The following IFT122 variants were observed in gnomAD, a reference collection of about 807,000 sequenced individuals.
The protein encoded by IFT122 is intraflagellar transport protein 122 homolog.
In IFT122, 118 loss-of-function variants were observed where a neutral mutation model predicts 161.6. The observed-to-expected ratio is 0.73, with a 90% CI of 0.63 to 0.85. IFT122 has a LOEUF of 0.85. IFT122 is among the 40% of genes least tolerant of loss of function. The pLI is 0.00. For missense variants in IFT122, 1,381 were observed against 1,579.6 expected (o/e 0.87, Z 2.13); for synonymous variants, 550 against 602.4 (o/e 0.91, Z 1.27).
At chr3:129,501,437 G>A (rs1472954854) in intron 19 of IFT122, among the ~76,000 whole-genome samples, 1 of 152,154 alleles carries the variant, frequency 6.6e-6, no homozygotes, top group Non-Finnish European at 1.5e-5. Context: ...CCTCACAAAG[G>A]GACCTTGATG....
At chr3:129,440,655 A>G (rs2072894260) in intron 1 of IFT122, among the ~76,000 whole-genome samples, 1 of 152,082 alleles carries the variant, frequency 6.6e-6, no homozygotes. Context: ...TTCATCTCAC[A>G]CCCACGAGAC....
At position 129,466,857 on chromosome 3, in the gene IFT122, A is replaced by G. The variant is rs758404362; in HGVS notation, c.564-33A>G. 7 of 1,595,690 alleles carry G rather than the reference A, an allele frequency of 4.4e-6. No homozygotes were observed. In the Middle Eastern group the frequency reaches 5.0e-4, roughly 113 times the overall value. Reference sequence around the variant, plus strand: ...TATAGTTTTAGTGTAGTTCTAGGCAATGTAATTTTGAACAACTACTTACTG... The same window carrying G: ...TATAGTTTTAGTGTAGTTCTAGGCAGTGTAATTTTGAACAACTACTTACTG... On this transcript the variant is annotated intron_variant, in intron 7 of 29. Coordinates refer to ENST00000348417, the MANE Select transcript of IFT122 (RefSeq NM_052989.3).
rs115948527 is a variant in IFT122 at position 129,451,135 on chromosome 3, G to C, written c.109-779G>C. Among the ~76,000 whole-genome samples the C allele has an allele frequency of 6.4e-3, 975 of 152,150 alleles. 13 individuals are homozygous for C. Among genetic ancestry groups the C allele is most frequent in the African/African-American group, 0.02 (850 of 41,510 alleles). On this transcript the variant is annotated intron_variant, in intron 2 of 29. Transcript: ENST00000348417. ...TTTCTTAGAGACAGGGTTGTGCTCT[G>C]TTGCCCAAGCTGGTGTGCAGTAGTG...
chr3:129,483,456 A>G, intron 14 of IFT122, 29 bp from the exon 15 acceptor site: 1 of 1,609,006 alleles, frequency 6.2e-7, no homozygotes, highest in Non-Finnish European at 8.5e-7. Context: ...GGTGGTTCTC[A>G]CAGGATCCCC....
In IFT122 at chr3:129,491,351, A is replaced by G. The variant is rs145016465; in HGVS notation, c.1993-790A>G. Among the ~76,000 whole-genome samples, 221 of 152,350 alleles carry G rather than the reference A, an allele frequency of 1.5e-3. 2 individuals carry two copies. The East Asian group carries it at 0.03, about 21-fold the overall frequency. ...TTTGAATGGGGCAATAAATGGTGAC[A>G]GCAAAGCCACCTGAAAGCAGCCTGA... On this transcript the variant is annotated intron_variant, in intron 16 of 29. Transcript: ENST00000348417.
chr3:129,442,760 A>G (rs1407439603), intron 1 of IFT122, among the ~76,000 whole-genome samples: 1 of 152,068 alleles, frequency 6.6e-6, no homozygotes, highest in East Asian at 1.9e-4. Flanking sequence ...CTTCTCATAA[A>G]CCTAGAGTGA....
chr3:129,482,498 C>A (rs1293569107), intron 14 of IFT122, among the ~76,000 whole-genome samples: 1 of 152,162 alleles, frequency 6.6e-6, no homozygotes, highest in Non-Finnish European at 1.5e-5. Flanking sequence ...AGTCCCCTTA[C>A]CAGGCTCCTC....
At chr3:129,442,024 T>G (rs1256202199) in intron 1 of IFT122, among the ~76,000 whole-genome samples, 2 of 152,184 alleles carry the variant, frequency 1.3e-5, no homozygotes, top group East Asian at 3.8e-4. Flanking sequence ...CAGCTCTTCC[T>G]GTTTTTACCA....
At chr3:129,494,448 A>G (rs2080580807) in intron 17 of IFT122, among the ~76,000 whole-genome samples, 1 of 152,118 alleles carries the variant, frequency 6.6e-6, no homozygotes, top group Non-Finnish European at 1.5e-5. Flanking sequence ...TTAGAATGAT[A>G]ATTTCTGTCA....
intron 15 of IFT122, among the ~76,000 whole-genome samples, chr3:129,484,954 A>G (rs938432738): frequency 6.6e-6 from 1 of 152,154 alleles, no homozygotes; most frequent in African/African-American, 2.4e-5. Flanking sequence ...GGCACTGAAC[A>G]CTGCCACCAC....
chr3:129,502,780 C>G lies in IFT122; in HGVS notation c.2445C>G (p.Leu815=). Residue 815 remains leucine (L), a synonymous_variant, in exon 20 of 30, where the codon CTC becomes CTG. Transcript: ENST00000348417. Reference sequence around the variant, plus strand: ...CCCTGCTGCTGTGCGCTACCTACCTCAAGAAGCTGGACAGCCCTGGCTATG... The same window carrying G: ...CCCTGCTGCTGTGCGCTACCTACCTGAAGAAGCTGGACAGCCCTGGCTATG... ...REPLLLCATY[L]KKLDSPGYAA... The G allele has an allele frequency of 6.2e-7, 1 of 1,613,072 alleles. No homozygotes were observed. Among genetic ancestry groups the G allele is most frequent in the Non-Finnish European group, 8.5e-7 (1 of 1,180,034 alleles).
chr3:129,507,630 T>A (rs775660853), intron 22 of IFT122, 38 bp from the exon 23 acceptor site: 3 of 1,548,016 alleles, frequency 1.9e-6, no homozygotes, highest in Non-Finnish European at 2.7e-6. Flanking sequence ...ACAGACACTG[T>A]TTGACACGTT....
At chr3:129,504,617 G>C (rs1194459060) in intron 21 of IFT122, among the ~76,000 whole-genome samples, 196 bp downstream of exon 21, 2 of 152,186 alleles carry the variant, frequency 1.3e-5, no homozygotes, top group Non-Finnish European at 2.9e-5. Flanking sequence ...CACCCTCCTG[G>C]GCCACACTCA....
intron 23 of IFT122, among the ~76,000 whole-genome samples, chr3:129,509,164 G>A (rs1319889468): frequency 6.6e-6 from 1 of 152,132 alleles, no homozygotes; most frequent in Non-Finnish European, 1.5e-5. Context: ...ATGTTTTGTT[G>A]TTGTTGCATA....
In IFT122 at chr3:129,460,143, T is replaced by C. The variant is rs530722672; in HGVS notation, c.273-1085T>C. ...TTTAATGTTAAATACATTTACATTG[T>C]TGTGCAACCAATCTCCCAAACTCTT... On this transcript the variant is annotated intron_variant, in intron 4 of 29. Coordinates refer to ENST00000348417, the MANE Select transcript of IFT122 (RefSeq NM_052989.3). Among the ~76,000 whole-genome samples the C allele has an allele frequency of 3.3e-5, 5 of 152,318 alleles. No individual in the cohort carries two copies. In the South Asian group the frequency reaches 8.3e-4, roughly 25 times the overall value.
intron 3 of IFT122, among the ~76,000 whole-genome samples, chr3:129,457,732 G>GTTTTTTT (rs971386664): frequency 1.7e-5 from 2 of 119,616 alleles, no homozygotes; most frequent in African/African-American, 3.4e-5. Context: ...CACAGGAATA[G>GTTTTTTT]TTTTTTTTTT....
intron 23 of IFT122, among the ~76,000 whole-genome samples, chr3:129,508,117 C>T (rs1322646788): frequency 1.3e-5 from 2 of 152,214 alleles, no homozygotes; most frequent in Non-Finnish European, 2.9e-5. Context: ...ACCAAAGGCT[C>T]GAGATCCCTC....
intron 13 of IFT122, 58 bp downstream of exon 13, chr3:129,479,980 C>T (rs1431229653): frequency 3.1e-6 from 5 of 1,604,152 alleles, no homozygotes; most frequent in Non-Finnish European, 4.3e-6. Context: ...ACGTGGGTGA[C>T]CCGTCTAGCA....
At chr3:129,501,227 C>T (rs927318672) in intron 19 of IFT122, among the ~76,000 whole-genome samples, 5 of 152,130 alleles carry the variant, frequency 3.3e-5, no homozygotes, top group Admixed American at 6.5e-5. Flanking sequence ...CATGCTGCTG[C>T]GGTAGGCAAA....
Sources: allele counts gnomAD v4.1 joint callset (sites outside exome capture counted in the v4.1 genomes callset), GRCh38; gene constraint gnomAD v4.1.1; transcripts MANE v1.5; gene names NCBI Gene and HGNC (gene_info 2026-07-23, HGNC 2026-07-21).